Variants in COL4A1 observed in about 807,000 individuals in gnomAD.
COL4A1 encodes the protein collagen alpha-1(IV) chain.
In COL4A1, 40 loss-of-function variants were observed where a neutral mutation model predicts 216.6. That is an observed-to-expected ratio of 0.18 (90% CI 0.14 to 0.24). COL4A1 has a LOEUF of 0.24. Ranked by LOEUF, COL4A1 falls within the 10% of genes least tolerant of loss-of-function variation. COL4A1 has a pLI of 1.00. For missense variants in COL4A1, 1,628 were observed against 2,196.8 expected (o/e 0.74, Z 5.18); for synonymous variants, 839 against 810.7 (o/e 1.03, Z -0.59).
chr13:110,176,756 C>A, intron 34 of COL4A1, 32 bp from the exon 35 acceptor site: 1 of 1,611,994 alleles, frequency 6.2e-7, no homozygotes. Context: ...AGCAATGACC[C>A]GCATTTGCTT....
At chr13:110,279,522 T>TA (rs1450558513) in intron 1 of COL4A1, among the ~76,000 whole-genome samples, 1 of 152,174 alleles carries the variant, frequency 6.6e-6, no homozygotes, top group Non-Finnish European at 1.5e-5. Flanking sequence ...GAACCTGTGT[T>TA]AGACACATTC....
chr13:110,306,437 C>G (rs1293205882), intron 1 of COL4A1, among the ~76,000 whole-genome samples: 3 of 152,164 alleles, frequency 2.0e-5, no homozygotes, highest in African/African-American at 7.2e-5. Context: ...GCAAAGGGCC[C>G]AGAGCTTTTC....
Position 110,307,132 on chromosome 13 carries a change from G to C in COL4A1, c.-105C>G. 4 of 941,936 alleles carry C rather than the reference G, an allele frequency of 4.2e-6. No homozygotes were observed. Among genetic ancestry groups the C allele is most frequent in the African/African-American group, 1.7e-5 (1 of 57,724 alleles). 58.3% of individuals were successfully genotyped at this position (941,936 alleles called of 1,614,324 possible). On this transcript the variant is annotated 5_prime_UTR_variant, in exon 1 of 52. Coordinates refer to ENST00000375820, the MANE Select transcript of COL4A1 (RefSeq NM_001845.6). The surrounding 1 kb of genome is among the most constrained non-coding windows in gnomAD (Gnocchi z 5.0). ...ACTTCCAGCGCTACGCACCGTCCCGGGTGCGGCGGCTCCAAGCGGAGACCT... is the reference window on the plus strand; with the variant it reads ...ACTTCCAGCGCTACGCACCGTCCCGCGTGCGGCGGCTCCAAGCGGAGACCT...
chr13:110,239,488 T>C (rs1881463148), intron 2 of COL4A1, among the ~76,000 whole-genome samples: 1 of 152,256 alleles, frequency 6.6e-6, no homozygotes, highest in African/African-American at 2.4e-5. Flanking sequence ...CTGTGCCTCC[T>C]ACTGTCCTGT....
At position 110,170,611 on chromosome 13, in the gene COL4A1, G is replaced by A. The variant is rs771875556; in HGVS notation, c.3678C>T (p.Ser1226=). The change falls in exon 42 of 52, where the codon TCC becomes TCT. Residue 1226 remains serine, a synonymous_variant. Transcript: ENST00000375820. ...GPQGQPGLPG[S]PGHATEGPKG... ...TGGGCCCCTCCGTGGCATGGCCTGG[G>A]GATCCCGGTAACCCCGGCTGTCCCT... 6.2e-7 allele frequency: 1 copy of A among 1,612,068 alleles called. No individual in the cohort carries two copies. Among genetic ancestry groups the A allele is most frequent in the South Asian group, 1.1e-5 (1 of 90,606 alleles).
At chr13:110,259,835 T>C (rs1882743879) in intron 1 of COL4A1, among the ~76,000 whole-genome samples, 1 of 152,222 alleles carries the variant, frequency 6.6e-6, no homozygotes, top group African/African-American at 2.4e-5. Context: ...GCATCTGTTC[T>C]TGTGCAATAG....
At chr13:110,227,163 T>C (rs1430224153) in intron 2 of COL4A1, among the ~76,000 whole-genome samples, 1 of 152,220 alleles carries the variant, frequency 6.6e-6, no homozygotes, top group Non-Finnish European at 1.5e-5. Flanking sequence ...CCTGCCTTTT[T>C]TTCTTAACTA....
rs780477509 is a variant in COL4A1 at position 110,176,658 on chromosome 13, T to A, written c.2936A>T (p.Lys979Met). 3.1e-6 allele frequency: 5 copies of A among 1,614,064 alleles called. No homozygotes were observed. The highest frequency in any genetic ancestry group is 1.3e-5 in the African/African-American group (1 of 74,940). Residue 979 changes from lysine (K) to methionine (M), a missense_variant, in exon 35 of 52, where the codon AAG (lysine) becomes ATG (methionine). Around this residue, in one of 8 missense-constraint regions of COL4A1, gnomAD observed 58 missense variants for 132.5 expected, o/e 0.44. Coordinates refer to ENST00000375820, the MANE Select transcript of COL4A1 (RefSeq NM_001845.6). Reference protein sequence around the residue: ...GDPGTPGVPGKDGQAGQPGQP... With the variant: ...GDPGTPGVPGMDGQAGQPGQP... ...CCCAGGCTGTCCTGCCTGCCCGTCC[T>A]TTCCAGGCACTCCTGGGGTCCCAGG...
At chr13:110,214,150 T>C (rs1353240300) in intron 2 of COL4A1, 135 bp from the exon 3 acceptor site, 3 of 740,192 alleles carry the variant, frequency 4.1e-6, no homozygotes, top group Non-Finnish European at 4.7e-6. Flanking sequence ...CTGGAGTGCA[T>C]GCACGATCTC....
rs79324685 is a variant in COL4A1, at chr13:110,303,313, C to T, written c.84+3631G>A. Among the ~76,000 whole-genome samples, 897 of 152,178 alleles carry T rather than the reference C, an allele frequency of 5.9e-3. 7 individuals are homozygous for T. Among genetic ancestry groups the T allele is most frequent in the African/African-American group, 0.021 (853 of 41,500 alleles). On this transcript the variant is annotated intron_variant, in intron 1 of 51. Transcript: ENST00000375820. ...CCCCTGCCTGCCTACCTGCCACCTCCGAGAAAAGGGACAGGACCACATACT... is the reference window on the plus strand; with the variant it reads ...CCCCTGCCTGCCTACCTGCCACCTCTGAGAAAAGGGACAGGACCACATACT...
Position 110,302,164 on chromosome 13 carries a change from G to A in COL4A1, c.84+4780C>T, listed in dbSNP as rs79616795. Among the ~76,000 whole-genome samples, 1,014 of 152,260 alleles carry A rather than the reference G, an allele frequency of 6.7e-3. 10 individuals carry two copies. Among genetic ancestry groups the A allele is most frequent in the African/African-American group, 0.023 (971 of 41,540 alleles). ...TAGGAGACTTTGTGACTGAGCAGAT[G>A]CAGAGGATAAAGAAGAGGAAAGGCT... On this transcript the variant is annotated intron_variant, in intron 1 of 51. Transcript: ENST00000375820.
chr13:110,187,045 G>A (rs1205399039), intron 25 of COL4A1, 93 bp downstream of exon 25: 3 of 1,480,630 alleles, frequency 2.0e-6, no homozygotes, highest in African/African-American at 2.8e-5. Context: ...CAAGGAGATA[G>A]AAATACATCA....
At chr13:110,190,919 T>C (rs1878599503) in intron 24 of COL4A1, 1 of 152,204 alleles carries the variant, frequency 6.6e-6, no homozygotes, top group Admixed American at 6.5e-5. Context: ...TTTCCGTCTT[T>C]TATTAGATAT....
chr13:110,219,676 A>G (rs648243), intron 2 of COL4A1, among the ~76,000 whole-genome samples: 28,628 of 82,536 alleles, frequency 0.35, 3,051 homozygotes, highest in Admixed American at 0.38. Flanking sequence ...ATATATATAT[A>G]TGTGTATATA....
intron 1 of COL4A1, among the ~76,000 whole-genome samples, chr13:110,279,026 C>A (rs1053466399): frequency 8.5e-5 from 13 of 152,198 alleles, no homozygotes; most frequent in African/African-American, 2.7e-4. Flanking sequence ...CTCTGCGGAA[C>A]CCAACTCAGT....
chr13:110,174,022 A>T (rs1877762404), intron 39 of COL4A1, 24 bp from the exon 40 acceptor site: 1 of 1,612,878 alleles, frequency 6.2e-7, no homozygotes, highest in Non-Finnish European at 8.5e-7. Context: ...GTCACATCAG[A>T]CACCCGCATA....
intron 26 of COL4A1, among the ~76,000 whole-genome samples, chr13:110,183,887 C>T (rs959378950): frequency 1.3e-5 from 2 of 152,196 alleles, no homozygotes; most frequent in African/African-American, 4.8e-5. Flanking sequence ...ACCGGAGTGT[C>T]AGGGTTTCGC....
rs200882846 is a variant in COL4A1, at chr13:110,169,586, A to G, written c.3876+43T>C. ...ACACATATGAATACTTCTGGCCAGA[A>G]AAGACTCCTTTAAAAATAAAAATCT... On this transcript the variant is annotated intron_variant, in intron 43 of 51. Coordinates refer to ENST00000375820, the MANE Select transcript of COL4A1 (RefSeq NM_001845.6). 189 of 1,612,278 alleles carry G rather than the reference A, an allele frequency of 1.2e-4. No individual in the cohort carries two copies. The African/African-American group carries it at 1.2e-3, about 11-fold the overall frequency.
chr13:110,216,803 C>T (rs1244846702), intron 2 of COL4A1, among the ~76,000 whole-genome samples: 1 of 152,196 alleles, frequency 6.6e-6, no homozygotes, highest in African/African-American at 2.4e-5. Context: ...GGTACCGACC[C>T]TTCTATGTCC....
Sources: allele counts gnomAD v4.1 joint callset (sites outside exome capture counted in the v4.1 genomes callset), GRCh38; gene constraint gnomAD v4.1.1; regional missense constraint gnomAD v4.1.1; non-coding constraint Gnocchi (gnomAD v3.1); transcripts MANE v1.5; gene names NCBI Gene and HGNC (gene_info 2026-07-23, HGNC 2026-07-21).